The following NIBAN1 variants were observed in gnomAD, a reference collection of about 807,000 sequenced individuals.
NIBAN1 encodes niban apoptosis regulator 1, also known as protein Niban 1.
A neutral mutation model predicts 75.1 loss-of-function variants in NIBAN1; 81 were observed. The ratio of observed to expected loss-of-function variants is 1.08; its 90% CI spans 0.90 to 1.30. The LOEUF (loss-of-function observed/expected upper bound fraction) is 1.30, where lower values mean the gene tolerates loss of function less well. Ranked by LOEUF, NIBAN1 falls within the 50% of genes most tolerant of loss-of-function variation. NIBAN1 has a pLI of 0.00. For missense variants in NIBAN1, 1,133 were observed against 1,128.1 expected (o/e 1.00, Z -0.06); for synonymous variants, 436 against 424.8 (o/e 1.03, Z -0.32).
chr1:184,934,205 A>C (rs1476151846), intron 1 of NIBAN1, among the ~76,000 whole-genome samples: 1 of 152,234 alleles, frequency 6.6e-6, no homozygotes, highest in Non-Finnish European at 1.5e-5. Flanking sequence ...ATCCTAAGCG[A>C]ATTAATGCAG....
At chr1:184,910,001 A>T (rs1037630424) in intron 1 of NIBAN1, among the ~76,000 whole-genome samples, 1 of 152,180 alleles carries the variant, frequency 6.6e-6, no homozygotes, top group Non-Finnish European at 1.5e-5. Flanking sequence ...ATCCAATAGT[A>T]TTGACTATGT....
intron 3 of NIBAN1, among the ~76,000 whole-genome samples, chr1:184,893,279 T>C (rs1012801553): frequency 1.3e-5 from 2 of 152,204 alleles, no homozygotes; most frequent in African/African-American, 4.8e-5. Context: ...AAGAAGTCAC[T>C]TGTCAACAGG....
At chr1:184,933,518 C>T (rs1264558155) in intron 1 of NIBAN1, among the ~76,000 whole-genome samples, 1 of 152,196 alleles carries the variant, frequency 6.6e-6, no homozygotes, top group East Asian at 1.9e-4. Context: ...CTTTCACATG[C>T]ATTTATATCA....
chr1:184,882,296 C>T (rs911608579), intron 5 of NIBAN1, among the ~76,000 whole-genome samples: 11 of 152,260 alleles, frequency 7.2e-5, no homozygotes, highest in African/African-American at 2.6e-4. Context: ...CAATGAGTAA[C>T]AGGCAGAGAC....
chr1:184,942,490 G>A (rs1262898508), intron 1 of NIBAN1, among the ~76,000 whole-genome samples: 3 of 152,122 alleles, frequency 2.0e-5, no homozygotes, highest in Non-Finnish European at 4.4e-5. Context: ...TCAGGAGATC[G>A]AGACCATCCT....
At chr1:184,969,848 G>A (rs1453513477) in intron 1 of NIBAN1, among the ~76,000 whole-genome samples, 1 of 151,940 alleles carries the variant, frequency 6.6e-6, no homozygotes, top group East Asian at 1.9e-4. Flanking sequence ...TTTAATGCCT[G>A]AACAAAACTG....
chr1:184,915,505 G>A (rs1203453282), intron 1 of NIBAN1, among the ~76,000 whole-genome samples: 1 of 152,194 alleles, frequency 6.6e-6, no homozygotes, highest in Non-Finnish European at 1.5e-5. Flanking sequence ...TACTTCTGGG[G>A]TGATGGGGGA....
chr1:184,820,251 T>C lies in NIBAN1; in HGVS notation c.986-1426A>G, dbSNP rs151063023. Among the ~76,000 whole-genome samples the C allele has an allele frequency of 5.1e-4, 78 of 152,312 alleles. 1 individual carries two copies. The Middle Eastern group carries it at 0.01, about 20-fold the overall frequency. On this transcript the variant is annotated intron_variant, in intron 8 of 13. Transcript: ENST00000367511. The stretch of plus-strand genomic sequence containing the variant: ...TCTAATGGAAATTTCAGAACAATGC[T>C]GAACATGGGTAATATGCAATAAAGA...
At chr1:184,925,721 T>G (rs1657665376) in intron 1 of NIBAN1, among the ~76,000 whole-genome samples, 1 of 152,022 alleles carries the variant, frequency 6.6e-6, no homozygotes, top group Admixed American at 6.5e-5. Context: ...ATTAACTTCA[T>G]TTTTTTAACT....
chr1:184,890,289 A>T, intron 3 of NIBAN1, 67 bp from the exon 4 acceptor site: 1 of 1,055,386 alleles, frequency 9.5e-7, no homozygotes, highest in Non-Finnish European at 1.5e-6. Context: ...AATATCAGGG[A>T]TATAACAAAT....
intron 3 of NIBAN1, among the ~76,000 whole-genome samples, chr1:184,892,239 A>G (rs1656686729): frequency 6.6e-6 from 1 of 152,198 alleles, no homozygotes; most frequent in South Asian, 2.1e-4. Flanking sequence ...ATGCTTCCGT[A>G]CATTCATTCA....
At chr1:184,840,506 G>T (rs1011090077) in intron 5 of NIBAN1, among the ~76,000 whole-genome samples, 1 of 152,076 alleles carries the variant, frequency 6.6e-6, no homozygotes, top group African/African-American at 2.4e-5. Context: ...TGGAAGAATG[G>T]TGTTTCTAGT....
chr1:184,857,143 C>G (rs551727685), intron 5 of NIBAN1, among the ~76,000 whole-genome samples: 2 of 152,174 alleles, frequency 1.3e-5, no homozygotes, highest in African/African-American at 2.4e-5. Context: ...GGTTATAAAG[C>G]CTTCCAACAG....
intron 1 of NIBAN1, among the ~76,000 whole-genome samples, chr1:184,940,475 G>C (rs1658064386): frequency 6.6e-6 from 1 of 152,174 alleles, no homozygotes; most frequent in Non-Finnish European, 1.5e-5. Flanking sequence ...TCAGCTTTGA[G>C]TGGCTTTAAA....
At chr1:184,877,557 T>C (rs1183564329) in intron 5 of NIBAN1, among the ~76,000 whole-genome samples, 1 of 152,184 alleles carries the variant, frequency 6.6e-6, no homozygotes, top group African/African-American at 2.4e-5. Context: ...TCTCTAAGCT[T>C]GTTCATGGTA....
intron 10 of NIBAN1, among the ~76,000 whole-genome samples, chr1:184,806,808 C>T (rs1380853626): frequency 6.8e-6 from 1 of 146,840 alleles, no homozygotes; most frequent in African/African-American, 2.5e-5. Flanking sequence ...CTTTGTCATC[C>T]AGGCTGGAGT....
chr1:184,794,688 T>C lies in NIBAN1; in HGVS notation c.*289A>G. The C allele has an allele frequency of 2.0e-6, 1 of 503,352 alleles. No individual in the cohort carries two copies. Among genetic ancestry groups the C allele is most frequent in the Admixed American group, 3.2e-5 (1 of 30,890 alleles). The allele number at this position is 503,352 out of a possible 1,614,324, so 31.2% of individuals were successfully genotyped here. ...ATCCTACTGTTTTCTCAGTCTTCCC[T>C]GCAATACTATTCCCTCCTCAGACAT... On this transcript the variant is annotated 3_prime_UTR_variant, in exon 14 of 14. Transcript: ENST00000367511.
chr1:184,844,610 A>T (rs921756413), intron 5 of NIBAN1, among the ~76,000 whole-genome samples: 13 of 152,212 alleles, frequency 8.5e-5, no homozygotes, highest in African/African-American at 2.9e-4. Context: ...TCAGGTCGGA[A>T]AATAAGAATA....
intron 12 of NIBAN1, among the ~76,000 whole-genome samples, chr1:184,801,917 C>T (rs1654052936): frequency 6.6e-6 from 1 of 152,166 alleles, no homozygotes; most frequent in African/African-American, 2.4e-5. Flanking sequence ...ATTGATTGAA[C>T]AGGGCCATAG....
Sources: gnomAD v4.1 joint callset for allele counts (sites outside exome capture counted in the v4.1 genomes callset) on GRCh38, gnomAD v4.1.1 for gene constraint, MANE v1.5 for transcripts, NCBI Gene and HGNC (gene_info 2026-07-23, HGNC 2026-07-21) for gene names.